The following PIEZO2 variants were observed in gnomAD, a reference collection of about 807,000 sequenced individuals.
PIEZO2 encodes the protein piezo-type mechanosensitive ion channel component 2.
In PIEZO2, 172 loss-of-function variants were observed where a neutral mutation model predicts 337.3. That is an observed-to-expected ratio of 0.51 (90% CI 0.45 to 0.58). PIEZO2 has a LOEUF of 0.58. Ranked by LOEUF, PIEZO2 falls within the 20% of genes least tolerant of loss-of-function variation. The pLI, the probability that PIEZO2 is intolerant of heterozygous loss-of-function variation, is 0.00. For missense variants in PIEZO2, 3,028 were observed against 3,391.3 expected, an observed-to-expected ratio of 0.89 and a Z score of 2.66; for synonymous variants, 1,251 against 1,228.5, an observed-to-expected ratio of 1.02 and a Z score of -0.38.
chr18:11,009,003 G>C lies in PIEZO2; in HGVS notation c.161-29343C>G, dbSNP rs563797029. Reference sequence around the variant, plus strand: ...GGAATCTTTTTATACAATAAAAATGGCATTTTTACTGACTTCTCATATTAT... The same window carrying C: ...GGAATCTTTTTATACAATAAAAATGCCATTTTTACTGACTTCTCATATTAT... On this transcript the variant is annotated intron_variant, in intron 2 of 55. Transcript: ENST00000674853. This position sits in a 1 kb window ranked among gnomAD's most constrained non-coding sequence, Gnocchi z 4.6. Among the ~76,000 whole-genome samples the C allele has an allele frequency of 6.6e-6, 1 of 152,298 alleles. No homozygotes were observed. The highest frequency in any genetic ancestry group is 2.4e-5 in the African/African-American group (1 of 41,574).
rs566115887 is a variant in PIEZO2 at position 11,016,964 on chromosome 18, G to A, written c.161-37304C>T. Among the ~76,000 whole-genome samples, 7 of 152,190 alleles carry A rather than the reference G, an allele frequency of 4.6e-5. No individual in the cohort carries two copies. Among genetic ancestry groups the A allele is most frequent in the Non-Finnish European group, 1.0e-4 (7 of 68,044 alleles). On this transcript the variant is annotated intron_variant, in intron 2 of 55. Coordinates refer to ENST00000674853, the MANE Select transcript of PIEZO2 (RefSeq NM_001378183.1). This position sits in a 1 kb window ranked among gnomAD's most constrained non-coding sequence, Gnocchi z 5.6. Reference sequence around the variant, plus strand: ...CTGACAAGCTGAGGGAAGTTCAGAGGAGAGCACAGGATTGAAGGGTCAGGG... The same window carrying A: ...CTGACAAGCTGAGGGAAGTTCAGAGAAGAGCACAGGATTGAAGGGTCAGGG...
intron 4 of PIEZO2, among the ~76,000 whole-genome samples, chr18:10,907,525 C>A (rs778010730): frequency 2.6e-5 from 4 of 152,214 alleles, no homozygotes; most frequent in African/African-American, 4.8e-5. Flanking sequence ...CAATGACACA[C>A]CCCGTGGAGG....
rs2039088081 is a variant in PIEZO2, at chr18:10,783,052, T to C, written c.2492+1732A>G. Among the ~76,000 whole-genome samples, 1 of 150,560 alleles carries C rather than the reference T, an allele frequency of 6.6e-6. No homozygotes were observed. Among genetic ancestry groups the C allele is most frequent in the African/African-American group, 2.5e-5 (1 of 40,768 alleles). ...TCAGACACATCCACATTAAGAAAAATGGCAAGAAAAAGGTTCCTGCATGCT... is the reference window on the plus strand; with the variant it reads ...TCAGACACATCCACATTAAGAAAAACGGCAAGAAAAAGGTTCCTGCATGCT... On this transcript the variant is annotated intron_variant, in intron 17 of 55. Coordinates refer to ENST00000674853, the MANE Select transcript of PIEZO2 (RefSeq NM_001378183.1). This position sits in a 1 kb window ranked among gnomAD's most constrained non-coding sequence, Gnocchi z 4.3.
chr18:11,068,626 A>T (rs1366296111), intron 1 of PIEZO2, among the ~76,000 whole-genome samples: 2 of 152,188 alleles, frequency 1.3e-5, no homozygotes, highest in Non-Finnish European at 2.9e-5. Flanking sequence ...TCAAGGAACA[A>T]GAAAAAGAAA....
At position 10,707,575 on chromosome 18, in the gene PIEZO2, C is replaced by T. The variant is rs750241776; in HGVS notation, c.5588+700G>A. Among the ~76,000 whole-genome samples, 4 of 152,322 alleles carry T rather than the reference C, an allele frequency of 2.6e-5. No individual in the cohort carries two copies. Among genetic ancestry groups the T allele is most frequent in the Admixed American group, 6.5e-5 (1 of 15,308 alleles). ...CTGCTGACTTCATTGTGCCCCCTCACCATCCTAAGGCAATTCAAAAAGAGT... is the reference window on the plus strand; with the variant it reads ...CTGCTGACTTCATTGTGCCCCCTCATCATCCTAAGGCAATTCAAAAAGAGT... On this transcript the variant is annotated intron_variant, in intron 40 of 55. Coordinates refer to ENST00000674853, the MANE Select transcript of PIEZO2 (RefSeq NM_001378183.1). The surrounding 1 kb of genome is among the most constrained non-coding windows in gnomAD (Gnocchi z 4.2).
Position 11,143,371 on chromosome 18 carries a change from A to C in PIEZO2, c.64+5154T>G, listed in dbSNP as rs1246864008. On this transcript the variant is annotated intron_variant, in intron 1 of 55. Coordinates refer to ENST00000674853, the MANE Select transcript of PIEZO2 (RefSeq NM_001378183.1). This position sits in a 1 kb window ranked among gnomAD's most constrained non-coding sequence, Gnocchi z 4.9. ...TCACATACAATTCACTGTTAGTAGC[A>C]CAAGAACCCAAAAGGAAAATGACAT... Among the ~76,000 whole-genome samples, 1 of 152,240 alleles carries C rather than the reference A, an allele frequency of 6.6e-6. No homozygotes were observed. The highest frequency in any genetic ancestry group is 2.4e-5 in the African/African-American group (1 of 41,470).
At chr18:10,732,784 T>C (rs2036838479) in intron 35 of PIEZO2, among the ~76,000 whole-genome samples, 1 of 152,346 alleles carries the variant, frequency 6.6e-6, no homozygotes, top group East Asian at 1.9e-4. Flanking sequence ...TGGGTGTTAA[T>C]TGGGAATTCT....
In PIEZO2 at chr18:10,748,747, G is replaced by T; in HGVS notation, c.4265-117C>A. 1.1e-6 allele frequency: 1 copy of T among 914,642 alleles called. No homozygotes were observed. The highest frequency in any genetic ancestry group is 1.6e-6 in the Non-Finnish European group (1 of 639,048). The allele number at this position is 914,642 out of a possible 1,614,324, so 56.7% of individuals were successfully genotyped here. On this transcript the variant is annotated intron_variant, in intron 29 of 55. Transcript: ENST00000674853. The surrounding 1 kb of genome is among the most constrained non-coding windows in gnomAD (Gnocchi z 5.1). ...ATAGGCATAAAAGCAGCATTCTGAT[G>T]CTCTGACTTACTTATGAGTTGATTT...
In PIEZO2 at chr18:10,725,531, A is replaced by T; in HGVS notation, c.5029+5876T>A. 2 of 1,396,638 alleles carry T rather than the reference A, an allele frequency of 1.4e-6. 1 individual carries two copies. The highest frequency in any genetic ancestry group is 2.7e-5 in the South Asian group (2 of 74,022). 86.5% of individuals were successfully genotyped at this position (1,396,638 alleles called of 1,614,324 possible). ...CTGGGAGCTGGGAGTCGTGGGAAGG[A>T]GGGGCCCCACTAACTCCCCCTTTTG... On this transcript the variant is annotated intron_variant, in intron 36 of 55. Transcript: ENST00000674853.
chr18:10,726,426 C>T lies in PIEZO2; in HGVS notation c.5029+4981G>A. On this transcript the variant is annotated intron_variant, in intron 36 of 55. Transcript: ENST00000674853. The surrounding 1 kb of genome is among the most constrained non-coding windows in gnomAD (Gnocchi z 5.9). ...CCAGCCGTGGCACAACGCGGAGGGC[C>T]GGCTGCGGTACGGGCTACGGCCGGC... 6.5e-7 allele frequency: 1 copy of T among 1,529,912 alleles called. No individual in the cohort carries two copies. The highest frequency in any genetic ancestry group is 2.5e-5 in the East Asian group (1 of 40,766). 94.8% of individuals were successfully genotyped at this position (1,529,912 alleles called of 1,614,324 possible). A position where few individuals can be genotyped will look rare whatever the true frequency, so the allele number is the denominator to read the frequency against.
intron 7 of PIEZO2, among the ~76,000 whole-genome samples, chr18:10,812,859 C>T (rs1026850902): frequency 2.0e-5 from 3 of 152,208 alleles, no homozygotes; most frequent in African/African-American, 7.2e-5. Context: ...ACCACATCTG[C>T]TCCGTCTCTG....
chr18:11,088,378 T>A (rs2038972606), intron 1 of PIEZO2, among the ~76,000 whole-genome samples: 2 of 152,234 alleles, frequency 1.3e-5, no homozygotes, highest in African/African-American at 4.8e-5. Flanking sequence ...AAATTCTCTG[T>A]GACTTCCTAT....
rs1043492998 is a variant in PIEZO2, at chr18:11,021,411, G to A, written c.161-41751C>T. Among the ~76,000 whole-genome samples the A allele has an allele frequency of 6.6e-6, 1 of 151,886 alleles. No homozygotes were observed. The highest frequency in any genetic ancestry group is 1.5e-5 in the Non-Finnish European group (1 of 67,992). ...CACTCTTGTATTCCATGCAACCTGCGTGTGTCTGAAACAATGTTTCCTTCT... is the reference window on the plus strand; with the variant it reads ...CACTCTTGTATTCCATGCAACCTGCATGTGTCTGAAACAATGTTTCCTTCT... On this transcript the variant is annotated intron_variant, in intron 2 of 55. Coordinates refer to ENST00000674853, the MANE Select transcript of PIEZO2 (RefSeq NM_001378183.1). The surrounding 1 kb of genome is among the most constrained non-coding windows in gnomAD (Gnocchi z 4.7).
At chr18:11,013,487 G>C (rs1054295877) in intron 2 of PIEZO2, among the ~76,000 whole-genome samples, 71 of 152,304 alleles carry the variant, frequency 4.7e-4, no homozygotes, top group African/African-American at 1.5e-3. Context: ...ACCAGCAATA[G>C]GAAAGTAATA....
chr18:10,997,642 C>T (rs1947948), intron 2 of PIEZO2, among the ~76,000 whole-genome samples: 68,778 of 151,800 alleles, frequency 0.45, 15,667 homozygotes, highest in Non-Finnish European at 0.49. Flanking sequence ...AAACATTCAC[C>T]TAATGGTCTC....
At chr18:10,687,799 G>C (rs2034615079) in intron 49 of PIEZO2, among the ~76,000 whole-genome samples, 1 of 152,092 alleles carries the variant, frequency 6.6e-6, no homozygotes, top group Non-Finnish European at 1.5e-5. Context: ...GGAGAGAGAG[G>C]CCTGGCTAAG....
intron 4 of PIEZO2, among the ~76,000 whole-genome samples, chr18:10,881,469 G>A (rs1178086570): frequency 3.3e-5 from 5 of 152,184 alleles, no homozygotes; most frequent in Non-Finnish European, 7.3e-5. Flanking sequence ...AGAGTAGGAT[G>A]CCGGGCCAAG....
rs544056404 is a variant in PIEZO2 at position 10,772,120 on chromosome 18, T to C, written c.2785+1292A>G. On this transcript the variant is annotated intron_variant, in intron 20 of 55. Coordinates refer to ENST00000674853, the MANE Select transcript of PIEZO2 (RefSeq NM_001378183.1). ...ATCTAAGGTAAGAACAACTCTTCTA[T>C]CTGTGTAATTGTGAAGAAGGAAAAA... is the stretch of plus-strand genomic sequence containing the variant. Among the ~76,000 whole-genome samples, 4 of 152,306 alleles carry C rather than the reference T, an allele frequency of 2.6e-5. No individual in the cohort carries two copies. The East Asian group carries it at 7.7e-4, about 29-fold the overall frequency.
In PIEZO2 at chr18:10,736,618, T is replaced by C; in HGVS notation, c.4801A>G (p.Arg1601Gly). ...LKKEDEEPPR[R>G]SAFQRAIGKF... The stretch of plus-strand genomic sequence containing the variant: ...CCCATAATTACCTGGAATGCTGACC[T>C]TCGTGGAGGTTCTTCATCTTCCTTC... The change falls in exon 34 of 56, where the codon AGG becomes GGG. Residue 1601 changes from arginine (R) to glycine (G), a missense_variant. Physicochemically the swap from Arg to Gly is moderately radical, Grantham distance 125 (BLOSUM62 -2). Coordinates refer to ENST00000674853, the MANE Select transcript of PIEZO2 (RefSeq NM_001378183.1). 11 of 1,537,194 alleles carry C rather than the reference T, an allele frequency of 7.2e-6. No individual in the cohort carries two copies. The highest frequency in any genetic ancestry group is 9.6e-6 in the Non-Finnish European group (11 of 1,146,870).
Sources: gnomAD v4.1 joint callset for allele counts (sites outside exome capture counted in the v4.1 genomes callset) on GRCh38, gnomAD v4.1.1 for gene constraint, Gnocchi (gnomAD v3.1) non-coding constraint, MANE v1.5 for transcripts, NCBI Gene and HGNC (gene_info 2026-07-23, HGNC 2026-07-21) for gene names.